Variants in POMGNT1 observed in about 807,000 individuals in gnomAD.
The protein encoded by POMGNT1 is protein O-linked mannose N-acetylglucosaminyltransferase 1 (beta 1,2-), also known as protein O-linked-mannose beta-1,2-N-acetylglucosaminyltransferase 1.
POMGNT1 carries 67 observed loss-of-function variants against 95.6 expected under a neutral mutation model. The observed-to-expected ratio is 0.70, with a 90% CI of 0.58 to 0.86. POMGNT1 has a LOEUF of 0.86. POMGNT1 is among the 40% of genes least tolerant of loss of function. The probability of loss-of-function intolerance (pLI) is 0.00; values close to 1 mark genes in which losing one functional copy is unlikely to be tolerated. For missense variants in POMGNT1, 719 were observed against 855.2 expected, an observed-to-expected ratio of 0.84 and a Z score of 1.99; for synonymous variants, 298 against 317.9, an observed-to-expected ratio of 0.94 and a Z score of 0.66.
In POMGNT1 at chr1:46,192,172, C is replaced by T. The variant is rs2148184028; in HGVS notation, c.1465G>A (p.Glu489Lys). Residue 489 changes from glutamate (E) to lysine (K), a missense_variant, in exon 17 of 22, where the codon GAG becomes AAG. Around this residue, in one of 5 missense-constraint regions of POMGNT1, gnomAD observed 118 missense variants for 153.6 expected, o/e 0.77. Coordinates refer to ENST00000371984, the MANE Select transcript of POMGNT1 (RefSeq NM_017739.4). ...CGGGAAACGTCAGGGATGATGCACT[C>T]TCGGCCCCGGCGTTGTTCAGGCATC... ...MRMPEQRRGRECIIPDVSRSY... is the reference protein window; with the variant it reads ...MRMPEQRRGRKCIIPDVSRSY... 3.7e-6 allele frequency: 6 copies of T among 1,614,184 alleles called. No individual in the cohort carries two copies. Among genetic ancestry groups the T allele is most frequent in the Non-Finnish European group, 5.1e-6 (6 of 1,180,010 alleles).
chr1:46,200,551 C>T (rs1473258924), upstream of POMGNT1, among the ~76,000 whole-genome samples: 1 of 152,248 alleles, frequency 6.6e-6, no homozygotes, highest in African/African-American at 2.4e-5. Flanking sequence ...TTCTCTACAC[C>T]ACACACAAAG....
upstream of POMGNT1, chr1:46,203,298 C>T (rs1658603601): frequency 3.2e-6 from 2 of 616,828 alleles, no homozygotes; most frequent in Non-Finnish European, 2.5e-6. Context: ...ACGGCGCCCT[C>T]CTCCCGCCCC....
Position 46,194,781 on chromosome 1 carries a change from C to T in POMGNT1, c.652+63G>A, listed in dbSNP as rs1571663702. On this transcript the variant is annotated intron_variant, in intron 7 of 21. Coordinates refer to ENST00000371984, the MANE Select transcript of POMGNT1 (RefSeq NM_017739.4). ...ATTTGTTCCCCACCCCACCCCATCT[C>T]CTAGGGTTCTGCTCCTCCCAGGCTC... 3.7e-6 allele frequency: 6 copies of T among 1,613,480 alleles called. No individual in the cohort carries two copies. In the East Asian group the frequency reaches 1.3e-4, roughly 36 times the overall value.
In POMGNT1 at chr1:46,189,539, C is replaced by T. The variant is rs267606962; in HGVS notation, c.1814G>A (p.Arg605His). Reference protein sequence around the residue: ...KCLHIWDLDVRGNHRGLWRLF... With the variant: ...KCLHIWDLDVHGNHRGLWRLF... ...TCTCCACAGGCCCCGATGGTTGCCACGCACATCCAGGTCCCAGATATGGAG... is the reference window on the plus strand; with the variant it reads ...TCTCCACAGGCCCCGATGGTTGCCATGCACATCCAGGTCCCAGATATGGAG... The change falls in exon 21 of 22, where the codon CGT becomes CAT. Residue 605 changes from arginine to histidine, a missense_variant. Arg to His is a conservative substitution (Grantham distance 29). Coordinates refer to ENST00000371984, the MANE Select transcript of POMGNT1 (RefSeq NM_017739.4). 1.7e-5 allele frequency: 28 copies of T among 1,612,844 alleles called. No homozygotes were observed. Among genetic ancestry groups the T allele is most frequent in the East Asian group, 4.5e-5 (2 of 44,866 alleles).
upstream of POMGNT1, among the ~76,000 whole-genome samples, chr1:46,199,659 C>CT (rs1231949388): frequency 6.6e-6 from 1 of 152,124 alleles, no homozygotes; most frequent in Non-Finnish European, 1.5e-5. Flanking sequence ...AGAACCTTTA[C>CT]TTTTTTTGTG....
upstream of POMGNT1, among the ~76,000 whole-genome samples, chr1:46,199,016 G>C (rs1262606234): frequency 6.6e-6 from 1 of 151,916 alleles, no homozygotes; most frequent in Non-Finnish European, 1.5e-5. Context: ...ATCTCGGCTC[G>C]CTGCAACCTC....
intron 1 of POMGNT1, among the ~76,000 whole-genome samples, chr1:46,215,772 C>G (rs1006077643): frequency 6.6e-6 from 1 of 152,080 alleles, no homozygotes; most frequent in Non-Finnish European, 1.5e-5. Flanking sequence ...TAGGTACATG[C>G]CTGTAGTCCA....
At chr1:46,193,810 GCA>G in intron 10 of POMGNT1, 43 bp downstream of exon 10, 1 of 1,611,572 alleles carries the variant, frequency 6.2e-7, no homozygotes, top group Non-Finnish European at 8.5e-7. Context: ...GATGACCTAA[GCA>G]CCCTCCTGTT....
intron 10 of POMGNT1, 38 bp downstream of exon 10, chr1:46,193,817 C>A: frequency 6.2e-7 from 1 of 1,612,616 alleles, no homozygotes; most frequent in Non-Finnish European, 8.5e-7. Flanking sequence ...TAAGCACCCT[C>A]CTGTTCAGTG....
At chr1:46,190,550 G>T in intron 18 of POMGNT1, 33 bp from the exon 19 acceptor site, 1 of 1,572,740 alleles carries the variant, frequency 6.4e-7, no homozygotes, top group Non-Finnish European at 8.8e-7. Flanking sequence ...TCAGGGGAGT[G>T]GGCAGGCCCT....
chr1:46,198,455 C>G (rs1290584390), upstream of POMGNT1: 1 of 149,822 alleles, frequency 6.7e-6, no homozygotes, highest in African/African-American at 2.4e-5. Context: ...GGCCCGCCCC[C>G]CCGCTTCCGC....
Position 46,194,364 on chromosome 1 carries a change from A to G in POMGNT1, c.789T>C (p.Arg263=). The G allele has an allele frequency of 6.2e-7, 1 of 1,614,166 alleles. No individual in the cohort carries two copies. Among genetic ancestry groups the G allele is most frequent in the Non-Finnish European group, 8.5e-7 (1 of 1,180,014 alleles). The stretch of plus-strand genomic sequence containing the variant: ...CTTTGCTGCAGAAGCGCCGGCGGCG[A>G]CGGTTCAGCTCTGTGTCTGCCCAGT... ...ECHWADTELN[R]RRRRFCSKVE... is the part of the protein sequence containing the mutation. The change falls in exon 9 of 22, where the codon CGT becomes CGC. Residue 263 remains arginine (R), a synonymous_variant. Coordinates refer to ENST00000371984, the MANE Select transcript of POMGNT1 (RefSeq NM_017739.4).
At chr1:46,219,956 C>T (rs1490057216) in exon 1 of POMGNT1, 1 of 1,614,258 alleles carries the variant, frequency 6.2e-7, no homozygotes. Flanking sequence ...ACACAGTGGC[C>T]CCCAGCGAGC....
chr1:46,211,183 A>G (rs1262839166), intron 1 of POMGNT1, among the ~76,000 whole-genome samples: 1 of 152,116 alleles, frequency 6.6e-6, no homozygotes, highest in African/African-American at 2.4e-5. Context: ...AACCCAGCAA[A>G]GCCTGTCTGT....
chr1:46,202,258 T>A (rs1274003071), upstream of POMGNT1, among the ~76,000 whole-genome samples: 1 of 151,176 alleles, frequency 6.6e-6, no homozygotes, highest in African/African-American at 2.4e-5. Context: ...CAAACCAGAG[T>A]TTTCATGGCT....
chr1:46,220,225 T>C lies in POMGNT1; in HGVS notation c.-571A>G, dbSNP rs370389957. 3.1e-5 allele frequency: 49 copies of C among 1,592,892 alleles called. No homozygotes were observed. In the African/African-American group the frequency reaches 5.8e-4, roughly 19 times the overall value. On this transcript the variant is annotated 5_prime_UTR_variant, in exon 1 of 23. Coordinates refer to the POMGNT1 transcript ENST00000371992. Reference sequence around the variant, plus strand: ...GATGATGTGACCTTCTTGTAACAACTATTCCACCCTTTTGTAATCCTGTGG... The same window carrying C: ...GATGATGTGACCTTCTTGTAACAACCATTCCACCCTTTTGTAATCCTGTGG...
chr1:46,193,154 G>A lies in POMGNT1; in HGVS notation c.1152+20C>T. 6.2e-7 allele frequency: 1 copy of A among 1,614,112 alleles called. No individual in the cohort carries two copies. Among genetic ancestry groups the A allele is most frequent in the Non-Finnish European group, 8.5e-7 (1 of 1,180,014 alleles). ...TGTTTCCCCCCTCCCAGGCCCAAGA[G>A]TTGTATCCTTAGTACTCACCGGAAA... On this transcript the variant is annotated intron_variant, in intron 13 of 21. Coordinates refer to ENST00000371984, the MANE Select transcript of POMGNT1 (RefSeq NM_017739.4).
intron 2 of POMGNT1, 39 bp from the exon 3 acceptor site, chr1:46,197,123 C>G (rs772854737): frequency 1.2e-6 from 2 of 1,613,748 alleles, no homozygotes; most frequent in South Asian, 2.2e-5. Context: ...GGAGCACCTC[C>G]TTCAGATCCT....
chr1:46,216,791 C>T (rs1054167047), intron 1 of POMGNT1, among the ~76,000 whole-genome samples: 4 of 152,182 alleles, frequency 2.6e-5, no homozygotes, highest in Non-Finnish European at 5.9e-5. Context: ...CTTGCCCCCA[C>T]CTCTCTCCCT....
Sources: gnomAD v4.1 joint callset for allele counts (sites outside exome capture counted in the v4.1 genomes callset) on GRCh38, gnomAD v4.1.1 for gene constraint, gnomAD v4.1.1 regional missense constraint, MANE v1.5 for transcripts, NCBI Gene and HGNC (gene_info 2026-07-23, HGNC 2026-07-21) for gene names.